Variants in LRP1B observed in about 807,000 individuals in gnomAD.
LRP1B encodes LDL receptor related protein 1B, also known as low-density lipoprotein receptor-related protein 1B.
LRP1B carries 217 observed loss-of-function variants against 556.6 expected under a neutral mutation model. The ratio of observed to expected loss-of-function variants is 0.39; its 90% CI spans 0.35 to 0.44. The LOEUF is 0.44. LRP1B is among the 20% of genes least tolerant of loss of function. LRP1B has a pLI of 1.00. For missense variants in LRP1B, 5,053 were observed against 5,620.8 expected, an observed-to-expected ratio of 0.90 and a Z score of 3.23; for synonymous variants, 2,047 against 1,865.8, an observed-to-expected ratio of 1.10 and a Z score of -2.50.
Position 141,246,815 on chromosome 2 carries a change from A to C in LRP1B, c.592+411T>G, listed in dbSNP as rs187553795. Among the ~76,000 whole-genome samples, 395 of 152,216 alleles carry C rather than the reference A, an allele frequency of 2.6e-3. 1 individual carries two copies. Among genetic ancestry groups the C allele is most frequent in the African/African-American group, 9.0e-3 (376 of 41,558 alleles). On this transcript the variant is annotated intron_variant, in intron 5 of 90. Coordinates refer to ENST00000389484, the MANE Select transcript of LRP1B (RefSeq NM_018557.3). ...CCCTGTCTCTACTAAAAATGCAAAA[A>C]TTAGCCAGGTATGGTGGTGTGTGCC... is the stretch of plus-strand genomic sequence containing the variant.
intron 37 of LRP1B, among the ~76,000 whole-genome samples, chr2:140,714,342 C>T (rs1687138492): frequency 6.6e-6 from 1 of 151,970 alleles, no homozygotes; most frequent in Non-Finnish European, 1.5e-5. Flanking sequence ...ATTCTTTTGC[C>T]TAATATTCTG....
chr2:141,286,931 T>C (rs1685745504), intron 3 of LRP1B: 1 of 223,154 alleles, frequency 4.5e-6, no homozygotes, highest in African/African-American at 2.3e-5. Context: ...GGACTTGAAA[T>C]GAGACTGTGA....
chr2:141,902,482 G>A (rs1051490593), intron 1 of LRP1B, among the ~76,000 whole-genome samples: 14 of 151,908 alleles, frequency 9.2e-5, no homozygotes, highest in Middle Eastern at 3.4e-3. Flanking sequence ...AGCCTATTCC[G>A]GGGGCTTCAA....
At chr2:142,072,257 T>G (rs1299037639) in intron 1 of LRP1B, among the ~76,000 whole-genome samples, 1 of 151,984 alleles carries the variant, frequency 6.6e-6, no homozygotes, top group East Asian at 1.9e-4. Flanking sequence ...CCTAAGGTAG[T>G]ACTAGGTAAG....
chr2:141,477,514 T>C (rs1408702131), intron 3 of LRP1B, among the ~76,000 whole-genome samples: 9 of 152,150 alleles, frequency 5.9e-5, no homozygotes, highest in African/African-American at 2.2e-4. Context: ...GTTCCTACAA[T>C]GTACCTTTGC....
intron 66 of LRP1B, among the ~76,000 whole-genome samples, chr2:140,389,990 T>G (rs1198714049): frequency 1.3e-5 from 2 of 151,830 alleles, no homozygotes; most frequent in East Asian, 1.9e-4. Flanking sequence ...ATTAGCCAGG[T>G]GTGGTGGCAT....
Position 140,238,207 on chromosome 2 carries a change from T to C in LRP1B, c.13505A>G (p.His4502Arg), listed in dbSNP as rs1392402757. The C allele has an allele frequency of 6.2e-7, 1 of 1,605,620 alleles. No homozygotes were observed. The highest frequency in any genetic ancestry group is 8.5e-7 in the Non-Finnish European group (1 of 1,174,274). The change falls in exon 89 of 91, where the codon CAT becomes CGT. Residue 4502 changes from histidine to arginine, a missense_variant. By Grantham distance (29) the His-to-Arg change is conservative. This residue lies in a region of LRP1B where 551 missense variants were observed against 592.0 expected (regional missense o/e 0.93). Transcript: ENST00000389484. ...TAAAAGACCTCCATCGTTGTGATCA[T>C]GATCTACCTCATACATGTTATAAGA... is the stretch of plus-strand genomic sequence containing the variant. ...NPSYNMYEVDHDHNDGGLLDP... is the reference protein window; with the variant it reads ...NPSYNMYEVDRDHNDGGLLDP...
intron 7 of LRP1B, among the ~76,000 whole-genome samples, chr2:141,182,951 C>A (rs1013845443): frequency 2.0e-5 from 3 of 151,732 alleles, no homozygotes; most frequent in Admixed American, 2.0e-4. Context: ...CAGATGAGGA[C>A]CCTACCTTCC....
intron 2 of LRP1B, among the ~76,000 whole-genome samples, chr2:141,676,764 C>A (rs1690897671): frequency 2.0e-5 from 3 of 152,072 alleles, no homozygotes; most frequent in Admixed American, 2.0e-4. Flanking sequence ...GACTGTGGCT[C>A]ACATTTTAGT....
At chr2:141,482,960 ATTTTAT>A (rs1682978266) in intron 2 of LRP1B, among the ~76,000 whole-genome samples, 1 of 148,108 alleles carries the variant, frequency 6.8e-6, no homozygotes, top group Non-Finnish European at 1.5e-5. Flanking sequence ...TTGTTTTTTT[ATTTTAT>A]TTTATTATTA....
intron 4 of LRP1B, among the ~76,000 whole-genome samples, chr2:141,252,362 A>G (rs940926309): frequency 1.3e-5 from 2 of 152,186 alleles, no homozygotes; most frequent in Non-Finnish European, 1.5e-5. Context: ...GAGTAGCATA[A>G]GACAATTTAA....
chr2:141,465,081 G>C (rs1682129338), intron 3 of LRP1B, among the ~76,000 whole-genome samples: 1 of 152,102 alleles, frequency 6.6e-6, no homozygotes, highest in South Asian at 2.1e-4. Context: ...AATGTAGCTT[G>C]GCAGTCTCAA....
chr2:140,459,343 T>C (rs1453992236), intron 60 of LRP1B, among the ~76,000 whole-genome samples: 1 of 152,146 alleles, frequency 6.6e-6, no homozygotes, highest in Non-Finnish European at 1.5e-5. Context: ...GATTTCAAGA[T>C]TTTTAGAATA....
Position 141,184,104 on chromosome 2 carries a change from T to C in LRP1B, c.1013+4317A>G, listed in dbSNP as rs182868627. ...CTCATTAGACCCCAATACTAAATAG[T>C]TTGATATTGAAGCAGTGTCATGTTC... On this transcript the variant is annotated intron_variant, in intron 7 of 90. Coordinates refer to ENST00000389484, the MANE Select transcript of LRP1B (RefSeq NM_018557.3). Among the ~76,000 whole-genome samples, 7 of 152,168 alleles carry C rather than the reference T, an allele frequency of 4.6e-5. No homozygotes were observed. In the East Asian group the frequency reaches 1.4e-3, roughly 30 times the overall value.
intron 14 of LRP1B, among the ~76,000 whole-genome samples, chr2:141,005,920 C>G (rs2105374864): frequency 6.6e-6 from 1 of 152,088 alleles, no homozygotes; most frequent in Non-Finnish European, 1.5e-5. Flanking sequence ...GTATTGAGGA[C>G]TCCAGGAATC....
intron 3 of LRP1B, among the ~76,000 whole-genome samples, chr2:141,439,864 A>C (rs535529615): frequency 2.0e-5 from 3 of 152,342 alleles, no homozygotes; most frequent in Admixed American, 1.3e-4. Context: ...AACAAACCTT[A>C]ATTTCTTGCT....
At chr2:141,701,816 A>T (rs1336617184) in intron 2 of LRP1B, among the ~76,000 whole-genome samples, 2 of 151,890 alleles carry the variant, frequency 1.3e-5, no homozygotes, top group East Asian at 3.9e-4. Flanking sequence ...TTCTAGTGCC[A>T]AAAGCAGTAT....
rs1462607483 is a variant in LRP1B, at chr2:140,322,152, A to C, written c.12515-64T>G. 5.4e-5 allele frequency: 79 copies of C among 1,467,090 alleles called. No homozygotes were observed. In the East Asian group the frequency reaches 1.5e-3, roughly 28 times the overall value. The allele number at this position is 1,467,090 out of a possible 1,614,324, so 90.9% of individuals were successfully genotyped here. ...AGATACAATAGGCTTCAAAAGCATA[A>C]AATTAAATAAGGCGAAATGATTAAT... On this transcript the variant is annotated intron_variant, in intron 81 of 90. Coordinates refer to ENST00000389484, the MANE Select transcript of LRP1B (RefSeq NM_018557.3).
chr2:141,843,204 A>G (rs1697537743), intron 1 of LRP1B, among the ~76,000 whole-genome samples: 1 of 152,168 alleles, frequency 6.6e-6, no homozygotes, highest in Non-Finnish European at 1.5e-5. Context: ...TACTTGAAAT[A>G]TCATTGATAG....
Sources: gnomAD v4.1 joint callset for allele counts (sites outside exome capture counted in the v4.1 genomes callset) on GRCh38, gnomAD v4.1.1 for gene constraint, gnomAD v4.1.1 regional missense constraint, MANE v1.5 for transcripts, NCBI Gene and HGNC (gene_info 2026-07-23, HGNC 2026-07-21) for gene names.